Variants in RFX8 observed in about 807,000 individuals in gnomAD.
RFX8 encodes the protein regulatory factor X8.
A neutral mutation model predicts 54.6 loss-of-function variants in RFX8; 46 were observed. The ratio of observed to expected loss-of-function variants is 0.84; its 90% CI spans 0.67 to 1.08. RFX8 has a LOEUF of 1.08. RFX8 is among the 50% of genes least tolerant of loss of function. RFX8 has a pLI of 0.00. For missense variants in RFX8, 536 were observed against 562.3 expected (o/e 0.95, Z 0.47); for synonymous variants, 192 against 209.5 (o/e 0.92, Z 0.72).
intron 9 of RFX8, among the ~76,000 whole-genome samples, chr2:101,409,061 C>T (rs1474495971): frequency 6.6e-6 from 1 of 152,136 alleles, no homozygotes; most frequent in East Asian, 1.9e-4. Context: ...AATGCCCGAT[C>T]CCCCTCTCTC....
chr2:101,437,761 T>TA (rs1558869181), intron 2 of RFX8, among the ~76,000 whole-genome samples: 1 of 62,592 alleles, frequency 1.6e-5, no homozygotes, highest in Non-Finnish European at 5.0e-5. Flanking sequence ...TACACTCTGC[T>TA]GATCTTAAAT....
chr2:101,437,167 C>A (rs139768258), intron 2 of RFX8, among the ~76,000 whole-genome samples: 1 of 152,178 alleles, frequency 6.6e-6, no homozygotes, highest in Non-Finnish European at 1.5e-5. Context: ...AGGCTGGGTG[C>A]AGTGGCTCAC....
intron 2 of RFX8, among the ~76,000 whole-genome samples, chr2:101,451,770 A>T (rs1451134933): frequency 6.6e-6 from 1 of 151,956 alleles, no homozygotes; most frequent in Non-Finnish European, 1.5e-5. Context: ...AATTTTGTGA[A>T]CACAGAAACT....
chr2:101,422,963 G>C (rs1030276483), intron 2 of RFX8, among the ~76,000 whole-genome samples: 5 of 152,128 alleles, frequency 3.3e-5, no homozygotes, highest in Non-Finnish European at 7.4e-5. Context: ...TCCTTTAGAA[G>C]AACCAATTAC....
chr2:101,464,534 T>A (rs1236230727), intron 2 of RFX8, among the ~76,000 whole-genome samples: 1 of 152,206 alleles, frequency 6.6e-6, no homozygotes, highest in African/African-American at 2.4e-5. Flanking sequence ...TAAACATACG[T>A]TGGGATCATA....
Position 101,431,454 on chromosome 2 carries a change from T to C in RFX8, c.73-8982A>G, listed in dbSNP as rs1004180731. Among the ~76,000 whole-genome samples, 30 of 70,700 alleles carry C rather than the reference T, an allele frequency of 4.2e-4. 1 individual carries two copies. Among genetic ancestry groups the C allele is most frequent in the South Asian group, 5.4e-4 (1 of 1,836 alleles). The allele number at this position is 70,700 out of a possible 152,430, so 46.4% of individuals were successfully genotyped here. The stretch of plus-strand genomic sequence containing the variant: ...GCTTGATGAGCTCAGGAGAGCTGCA[T>C]TGGTGATCAGTTTACCCTGATCTGG... On this transcript the variant is annotated intron_variant, in intron 2 of 11. Coordinates refer to ENST00000428343, the MANE Select transcript of RFX8 (RefSeq NM_001145664.2).
At chr2:101,448,282 T>A (rs1018997598) in intron 2 of RFX8, among the ~76,000 whole-genome samples, 1 of 152,174 alleles carries the variant, frequency 6.6e-6, no homozygotes, top group Non-Finnish European at 1.5e-5. Flanking sequence ...GTGGACACCC[T>A]CCACTGCCCA....
chr2:101,472,823 G>C (rs1690085525), intron 1 of RFX8, among the ~76,000 whole-genome samples: 2 of 152,116 alleles, frequency 1.3e-5, no homozygotes, highest in Admixed American at 1.3e-4. Flanking sequence ...TTCCAGACCA[G>C]CCTGGCTAAC....
At chr2:101,418,757 G>A in intron 5 of RFX8, 94 bp downstream of exon 5, 1 of 752,808 alleles carries the variant, frequency 1.3e-6, no homozygotes, top group Non-Finnish European at 2.4e-6. Context: ...GAGGACCATG[G>A]AGACTGCAGA....
chr2:101,471,132 A>G (rs192036862), intron 1 of RFX8, among the ~76,000 whole-genome samples: 123 of 152,010 alleles, frequency 8.1e-4, no homozygotes, highest in Middle Eastern at 3.4e-3. Context: ...TCAGGAGTTC[A>G]AGGCCAGCGT....
chr2:101,447,803 C>T (rs1021528703), intron 2 of RFX8, among the ~76,000 whole-genome samples: 46 of 152,200 alleles, frequency 3.0e-4, no homozygotes, highest in African/African-American at 1.1e-3. Flanking sequence ...CACTATTCTA[C>T]TCTTGCCTCC....
chr2:101,410,491 C>T (rs1686061288), intron 9 of RFX8, 128 bp downstream of exon 9: 1 of 625,076 alleles, frequency 1.6e-6, no homozygotes, highest in Non-Finnish European at 2.9e-6. Flanking sequence ...TGCCCTCACA[C>T]CCAGGCCAGC....
intron 2 of RFX8, among the ~76,000 whole-genome samples, chr2:101,461,275 A>AG (rs1689261774): frequency 3.4e-5 from 5 of 147,624 alleles, no homozygotes; most frequent in Non-Finnish European, 7.4e-5. Context: ...AAAAAAAAAA[A>AG]AAAAAAAGAA....
At position 101,471,152 on chromosome 2, in the gene RFX8, G is replaced by C. The variant is rs868439642; in HGVS notation, c.-53+3484C>G. On this transcript the variant is annotated intron_variant, in intron 1 of 11. Coordinates refer to ENST00000428343, the MANE Select transcript of RFX8 (RefSeq NM_001145664.2). ...AGTTCAAGGCCAGCGTGGCTAACAT[G>C]GCGAAACCCCGTCTCTACGAAAAAT... is the stretch of plus-strand genomic sequence containing the variant. Among the ~76,000 whole-genome samples the C allele has an allele frequency of 2.6e-5, 4 of 151,892 alleles. No individual in the cohort carries two copies. The South Asian group carries it at 6.2e-4, about 24-fold the overall frequency.
intron 6 of RFX8, among the ~76,000 whole-genome samples, chr2:101,417,110 C>T (rs922217755): frequency 4.6e-5 from 7 of 152,240 alleles, no homozygotes; most frequent in Non-Finnish European, 1.0e-4. Context: ...GCTGGGCCTT[C>T]CGGACTGTAG....
intron 2 of RFX8, among the ~76,000 whole-genome samples, chr2:101,440,537 A>G (rs1688036955): frequency 6.6e-6 from 1 of 152,188 alleles, no homozygotes; most frequent in Non-Finnish European, 1.5e-5. Flanking sequence ...GCTGCATTTC[A>G]TTGCTGGGGG....
At chr2:101,405,335 C>G (rs1271229440) in intron 10 of RFX8, among the ~76,000 whole-genome samples, 1 of 151,984 alleles carries the variant, frequency 6.6e-6, no homozygotes, top group East Asian at 1.9e-4. Context: ...TTAGTAGAGA[C>G]AGGGTTTCAC....
chr2:101,397,812 CA>C, intron 11 of RFX8, 88 bp from the exon 12 acceptor site: 2 of 1,128,118 alleles, frequency 1.8e-6, no homozygotes, highest in Non-Finnish European at 2.5e-6. Context: ...ATTCTTCTAC[CA>C]AGCCCGTGCT....
At chr2:101,436,619 G>A (rs1180059951) in intron 2 of RFX8, among the ~76,000 whole-genome samples, 1 of 62,072 alleles carries the variant, frequency 1.6e-5, no homozygotes, top group Non-Finnish European at 5.1e-5. Flanking sequence ...GCTTCACCCA[G>A]GCATAAAACA....
Sources: allele counts gnomAD v4.1 joint callset (sites outside exome capture counted in the v4.1 genomes callset), GRCh38; gene constraint gnomAD v4.1.1; transcripts MANE v1.5; gene names NCBI Gene and HGNC (gene_info 2026-07-23, HGNC 2026-07-21).